The following INSL6 variants were observed in gnomAD, a reference collection of about 807,000 sequenced individuals.
INSL6 encodes insulin-like peptide INSL6.
Under a neutral mutation model 9.4 loss-of-function variants are expected in INSL6, and 16 were observed. The observed-to-expected ratio is 1.70, with a 90% CI of 1.15 to 2.59. The LOEUF (loss-of-function observed/expected upper bound fraction) is 2.59, where lower values mean the gene tolerates loss of function less well. Among genes scored for constraint, INSL6 ranks in the 30% most tolerant of loss-of-function variants. The probability of loss-of-function intolerance (pLI) is 0.00; values close to 1 mark genes in which losing one functional copy is unlikely to be tolerated. For synonymous variants in INSL6, 154 were observed against 96.9 expected, an observed-to-expected ratio of 1.59 and a Z score of -3.46; for missense variants, 391 against 257.3, an observed-to-expected ratio of 1.52 and a Z score of -3.56.
At chr9:5,113,384 G>A in the INSL6 span, among the ~76,000 whole-genome samples, 1 of 141,048 alleles carries the variant, frequency 7.1e-6, no homozygotes, top group African/African-American at 2.7e-5. Flanking sequence ...GTGCCTAAGC[G>A]TAATTTTTTT....
chr9:5,118,054 C>T, the INSL6 span, among the ~76,000 whole-genome samples: 1 of 152,252 alleles, frequency 6.6e-6, no homozygotes, highest in South Asian at 2.1e-4. Flanking sequence ...TAAATAACAG[C>T]TATGTCAATC....
the INSL6 span, among the ~76,000 whole-genome samples, chr9:5,054,228 A>G: frequency 6.6e-6 from 1 of 152,052 alleles, no homozygotes; most frequent in East Asian, 1.9e-4. This position sits in a 1 kb window ranked among gnomAD's most constrained non-coding sequence, Gnocchi z 4.9. Context: ...TATCTTATAA[A>G]CCATTAACTC....
rs775407670 is a variant in INSL6 at position 5,185,283 on chromosome 9, G to A, written c.289+31C>T. 5.0e-6 allele frequency: 8 copies of A among 1,613,602 alleles called. No individual in the cohort carries two copies. In the South Asian group the frequency reaches 7.7e-5, roughly 16 times the overall value. On this transcript the variant is annotated intron_variant, in intron 1 of 1. Coordinates refer to ENST00000381641, the MANE Select transcript of INSL6 (RefSeq NM_007179.3). ...GCAGGAATAAGAAATATACAGAGGT[G>A]AACAAACATGCCTTCGGTTTCGATT... is the stretch of plus-strand genomic sequence containing the variant.
intron 3 of INSL6, chr9:5,127,129 A>C (rs370427680): frequency 3.7e-6 from 1 of 268,404 alleles, no homozygotes; most frequent in African/African-American, 2.2e-5. Flanking sequence ...TAAATTTTGC[A>C]ATGTTAAAGA....
chr9:5,177,639 C>T (rs1214692432), intron 1 of INSL6, among the ~76,000 whole-genome samples: 1 of 152,244 alleles, frequency 6.6e-6, no homozygotes, highest in African/African-American at 2.4e-5. Flanking sequence ...CCCACTTCCA[C>T]AGCACCTCAC....
the INSL6 span, chr9:5,094,072 C>G: frequency 6.6e-6 from 1 of 152,158 alleles, no homozygotes; most frequent in African/African-American, 2.4e-5. Context: ...ACTTTACAAT[C>G]AAAGGTTCAA....
chr9:5,021,520 G>A, the INSL6 span, among the ~76,000 whole-genome samples: 195 of 152,346 alleles, frequency 1.3e-3, no homozygotes, highest in Non-Finnish European at 2.4e-3. Flanking sequence ...AGTAATACAC[G>A]ATATTTATCC....
chr9:5,162,273 A>G (rs558094221), downstream of INSL6, among the ~76,000 whole-genome samples: 2 of 152,142 alleles, frequency 1.3e-5, no homozygotes, highest in East Asian at 3.9e-4. Flanking sequence ...AAATGTGACT[A>G]TTCTATCAAA....
rs549555845 is a variant in INSL6 at position 5,132,395 on chromosome 9, A to C, written c.*10+1030T>G. On this transcript the variant is annotated intron_variant, in intron 3 of 3. Transcript: ENST00000649639. Reference sequence around the variant, plus strand: ...CATCTTTAATTTCTCTTATTTTAAAACTACTGTCCTAAATGTGGAAGGTGA... The same window carrying C: ...CATCTTTAATTTCTCTTATTTTAAACCTACTGTCCTAAATGTGGAAGGTGA... 9.2e-5 allele frequency among the ~76,000 whole-genome samples: 14 copies of C among 152,296 alleles called. No homozygotes were observed. The South Asian group carries it at 2.7e-3, about 29-fold the overall frequency.
the INSL6 span, chr9:5,055,668 G>T: frequency 6.4e-7 from 1 of 1,553,696 alleles, no homozygotes; most frequent in Non-Finnish European, 8.8e-7. Context: ...TTTAATTATA[G>T]GATTTACAGT....
the INSL6 span, among the ~76,000 whole-genome samples, chr9:5,095,904 C>A: frequency 2.6e-5 from 4 of 152,150 alleles, no homozygotes; most frequent in African/African-American, 7.2e-5. Flanking sequence ...GCACTACAAC[C>A]CTGTCACTGT....
the INSL6 span, among the ~76,000 whole-genome samples, chr9:5,003,340 A>G: frequency 2.0e-5 from 3 of 151,968 alleles, no homozygotes; most frequent in African/African-American, 4.8e-5. Context: ...GTTTTTCTGT[A>G]TTCTTATATC....
chr9:5,111,689 G>A, the INSL6 span: 34 of 427,300 alleles, frequency 8.0e-5, no homozygotes, highest in South Asian at 4.8e-4. Flanking sequence ...CAGTGGCGGA[G>A]GCAGCAGCAC....
rs1156761095 is a variant in INSL6, at chr9:5,152,900, G to A, written c.376+11279C>T. ...AGAGTGGGTGCAGCCCAAGGAGGGC[G>A]AGCTGAAGCACAGTGGAGCGTCGCC... On this transcript the variant is annotated intron_variant, in intron 2 of 3. Transcript: ENST00000649639. 2.0e-5 allele frequency among the ~76,000 whole-genome samples: 3 copies of A among 152,276 alleles called. No homozygotes were observed. In the East Asian group the frequency reaches 5.8e-4, roughly 29 times the overall value.
chr9:5,112,395 G>T, the INSL6 span: 1 of 444,412 alleles, frequency 2.3e-6, no homozygotes, highest in Admixed American at 3.1e-5. Context: ...AATCAAGCGG[G>T]AGGAGGAGGA....
chr9:5,177,516 C>T (rs1328425058), intron 1 of INSL6, among the ~76,000 whole-genome samples: 1 of 152,156 alleles, frequency 6.6e-6, no homozygotes, highest in East Asian at 1.9e-4. Flanking sequence ...CACAATGAGG[C>T]CCAGGAGTTT....
At chr9:5,043,282 C>G in the INSL6 span, among the ~76,000 whole-genome samples, 4 of 151,794 alleles carry the variant, frequency 2.6e-5, no homozygotes, top group Non-Finnish European at 5.9e-5. Flanking sequence ...TTCTCTGATG[C>G]TCTTTTGAAG....
At chr9:5,137,760 C>T (rs1824413035) in intron 2 of INSL6, among the ~76,000 whole-genome samples, 1 of 152,064 alleles carries the variant, frequency 6.6e-6, no homozygotes, top group Non-Finnish European at 1.5e-5. Flanking sequence ...AACTAAAGAG[C>T]TTCTGTACAG....
At chr9:5,049,170 C>A in the INSL6 span, among the ~76,000 whole-genome samples, 1 of 152,148 alleles carries the variant, frequency 6.6e-6, no homozygotes, top group Non-Finnish European at 1.5e-5. Flanking sequence ...CATACACCAG[C>A]CTCTTAAAGA....
Sources: allele counts gnomAD v4.1 joint callset (sites outside exome capture counted in the v4.1 genomes callset), GRCh38; gene constraint gnomAD v4.1.1; non-coding constraint Gnocchi (gnomAD v3.1); transcripts MANE v1.5; gene names NCBI Gene and HGNC (gene_info 2026-07-23, HGNC 2026-07-21).